The following ANO4 variants were observed in gnomAD, a reference collection of about 807,000 sequenced individuals.
The protein encoded by ANO4 is anoctamin-4.
ANO4 carries 69 observed loss-of-function variants against 141.9 expected under a neutral mutation model. The ratio of observed to expected loss-of-function variants is 0.49; its 90% CI spans 0.40 to 0.59. ANO4 has a LOEUF of 0.59. Ranked by LOEUF, ANO4 falls within the 20% of genes least tolerant of loss-of-function variation. The pLI is 0.00. For synonymous variants in ANO4, 350 were observed against 394.3 expected (o/e 0.89, Z 1.33); for missense variants, 894 against 1,162.2 (o/e 0.77, Z 3.36).
At chr12:100,917,015 C>T (rs2041375289) in intron 2 of ANO4, among the ~76,000 whole-genome samples, 2 of 150,154 alleles carry the variant, frequency 1.3e-5, no homozygotes, top group Admixed American at 6.6e-5. Context: ...AAGCTAGGTA[C>T]AGAATGAATT....
intron 3 of ANO4, among the ~76,000 whole-genome samples, chr12:100,748,119 G>A (rs528906885): frequency 2.6e-5 from 4 of 152,142 alleles, no homozygotes; most frequent in Non-Finnish European, 5.9e-5. Flanking sequence ...ATATATGCAA[G>A]CTCTGAAATC....
chr12:100,981,414 T>C (rs1321696521), intron 7 of ANO4, among the ~76,000 whole-genome samples: 1 of 147,752 alleles, frequency 6.8e-6, no homozygotes, highest in Non-Finnish European at 1.5e-5. Flanking sequence ...TAGAGCTGTG[T>C]GCTACTGAAA....
intron 3 of ANO4, among the ~76,000 whole-genome samples, chr12:100,757,425 C>T (rs2032660434): frequency 1.3e-5 from 2 of 152,156 alleles, no homozygotes; most frequent in Non-Finnish European, 2.9e-5. Context: ...AAAGTTTATT[C>T]TCTGTAATGC....
intron 8 of ANO4, among the ~76,000 whole-genome samples, chr12:101,003,684 A>G (rs552689401): frequency 3.2e-4 from 48 of 152,268 alleles, no homozygotes; most frequent in African/African-American, 1.1e-3. Flanking sequence ...GCACATATTT[A>G]TATAGGAGGA....
chr12:100,832,493 A>G (rs1339986512), intron 1 of ANO4, among the ~76,000 whole-genome samples: 2 of 152,096 alleles, frequency 1.3e-5, no homozygotes, highest in Non-Finnish European at 2.9e-5. Flanking sequence ...CCTAGAACCG[A>G]TGACTTTTGC....
intron 1 of ANO4, among the ~76,000 whole-genome samples, chr12:100,879,364 A>G (rs2039459110): frequency 6.6e-6 from 1 of 152,182 alleles, no homozygotes; most frequent in African/African-American, 2.4e-5. Context: ...CCACTAATGG[A>G]GAAGATGACT....
chr12:100,962,918 G>A (rs1315739377), intron 5 of ANO4, among the ~76,000 whole-genome samples: 1 of 152,208 alleles, frequency 6.6e-6, no homozygotes, highest in East Asian at 1.9e-4. Context: ...ATGGAGAGAA[G>A]TGGATAGATT....
At chr12:100,998,659 A>G (rs2045502066) in intron 8 of ANO4, among the ~76,000 whole-genome samples, 1 of 152,162 alleles carries the variant, frequency 6.6e-6, no homozygotes, top group South Asian at 2.1e-4. Flanking sequence ...TCTTATCACA[A>G]GAGCTAGGCC....
chr12:100,985,678 C>T (rs2044677819), intron 7 of ANO4, among the ~76,000 whole-genome samples: 1 of 152,068 alleles, frequency 6.6e-6, no homozygotes, highest in Non-Finnish European at 1.5e-5. Flanking sequence ...GAGGAGGGTC[C>T]TAGAGCCACT....
intron 3 of ANO4, among the ~76,000 whole-genome samples, chr12:100,769,639 A>C (rs943970218): frequency 2.6e-5 from 4 of 152,234 alleles, no homozygotes; most frequent in African/African-American, 9.6e-5. Flanking sequence ...GATTATTCCT[A>C]GGAAATAATT....
At chr12:100,974,213 T>G (rs1460678539) in intron 6 of ANO4, among the ~76,000 whole-genome samples, 1 of 152,174 alleles carries the variant, frequency 6.6e-6, no homozygotes, top group Admixed American at 6.5e-5. Context: ...TTGTATAGTT[T>G]CCAGAATTCC....
At chr12:101,000,438 G>GT (rs941642821) in intron 8 of ANO4, among the ~76,000 whole-genome samples, 3 of 152,008 alleles carry the variant, frequency 2.0e-5, no homozygotes, top group African/African-American at 2.4e-5. Context: ...GAACTGAAGA[G>GT]TTTTTTTTAT....
intron 9 of ANO4, among the ~76,000 whole-genome samples, chr12:101,030,685 T>C (rs2046938765): frequency 6.6e-6 from 1 of 151,824 alleles, no homozygotes; most frequent in African/African-American, 2.4e-5. Flanking sequence ...GGAACTGTTT[T>C]TTTGAAAAAA....
At chr12:100,795,529 G>T (rs1412690054) in intron 1 of ANO4, among the ~76,000 whole-genome samples, 1 of 152,186 alleles carries the variant, frequency 6.6e-6, no homozygotes, top group Non-Finnish European at 1.5e-5. Context: ...GCCCGTGTGG[G>T]TCTGGGATGA....
chr12:100,820,588 G>T (rs1291903958), intron 1 of ANO4, among the ~76,000 whole-genome samples: 1 of 151,998 alleles, frequency 6.6e-6, no homozygotes, highest in African/African-American at 2.4e-5. Flanking sequence ...GTGTTTTAGA[G>T]CTGTCAGTAG....
At chr12:101,050,541 G>T (rs887472033) in intron 14 of ANO4, among the ~76,000 whole-genome samples, 6 of 152,216 alleles carry the variant, frequency 3.9e-5, no homozygotes, top group African/African-American at 1.2e-4. Context: ...GCCATATAAT[G>T]CTTAAGCTTT....
At chr12:100,785,451 C>A (rs1290482563) in intron 3 of ANO4, among the ~76,000 whole-genome samples, 1 of 152,106 alleles carries the variant, frequency 6.6e-6, no homozygotes, top group African/African-American at 2.4e-5. Flanking sequence ...TTACTGTTTT[C>A]CTAGTTTTGC....
intron 1 of ANO4, among the ~76,000 whole-genome samples, chr12:100,823,921 C>T (rs1439865828): frequency 6.6e-6 from 1 of 151,940 alleles, no homozygotes; most frequent in Non-Finnish European, 1.5e-5. Context: ...TCACATATAG[C>T]AAAGATAATT....
At chr12:101,079,443 A>G (rs1299713222) in intron 15 of ANO4, among the ~76,000 whole-genome samples, 168 bp downstream of exon 15, 2 of 152,130 alleles carry the variant, frequency 1.3e-5, no homozygotes, top group Non-Finnish European at 2.9e-5. Context: ...TGGACTGACA[A>G]TTTTTGTAAA....
Sources: gnomAD v4.1 joint callset for allele counts (sites outside exome capture counted in the v4.1 genomes callset) on GRCh38, gnomAD v4.1.1 for gene constraint, MANE v1.5 for transcripts, NCBI Gene and HGNC (gene_info 2026-07-23, HGNC 2026-07-21) for gene names.